FAM13A: variants seen among roughly 807,000 people sequenced by gnomAD.
FAM13A encodes the protein protein FAM13A.
A neutral mutation model predicts 129.6 loss-of-function variants in FAM13A; 76 were observed. That is an observed-to-expected ratio of 0.59 (90% CI 0.49 to 0.71). The LOEUF is 0.71. Ranked by LOEUF, FAM13A falls within the 30% of genes least tolerant of loss-of-function variation. FAM13A has a pLI of 0.00. For missense variants in FAM13A, 1,108 were observed against 1,249.3 expected (o/e 0.89, Z 1.70); for synonymous variants, 443 against 449.9 (o/e 0.98, Z 0.20).
At chr4:89,021,944 AATGATTTCCAGCTT>A (rs1184288573) in intron 2 of FAM13A, among the ~76,000 whole-genome samples, 2 of 152,228 alleles carry the variant, frequency 1.3e-5, no homozygotes, top group Non-Finnish European at 2.9e-5. Context: ...GGCAGAAGAT[AATGATTTCCAGCTT>A]AGTGTGCTAC....
At chr4:88,965,373 A>G (rs544675708) in intron 4 of FAM13A, among the ~76,000 whole-genome samples, 6 of 152,342 alleles carry the variant, frequency 3.9e-5, no homozygotes, top group African/African-American at 1.2e-4. Context: ...TCTCTCAATT[A>G]AACAAAATGT....
At chr4:88,900,921 C>T (rs946300902) in intron 6 of FAM13A, among the ~76,000 whole-genome samples, 8 of 151,980 alleles carry the variant, frequency 5.3e-5, no homozygotes, top group African/African-American at 1.2e-4. Context: ...CAAAGACACA[C>T]ATAGGGTCAA....
At chr4:88,921,947 A>T (rs1191169593) in intron 5 of FAM13A, among the ~76,000 whole-genome samples, 1 of 152,046 alleles carries the variant, frequency 6.6e-6, no homozygotes, top group Non-Finnish European at 1.5e-5. Context: ...ATCAAAAGAG[A>T]CAAAGAAGGC....
chr4:88,992,055 G>A lies in FAM13A; in HGVS notation c.428-905C>T, dbSNP rs1488018888. On this transcript the variant is annotated intron_variant, in intron 3 of 23. Transcript: ENST00000264344. ...TCTGTCCTGACCCTTGAGGTTTCCT[G>A]TTAGTAATTTTCCACCCACTGACTG... Among the ~76,000 whole-genome samples, 4 of 152,256 alleles carry A rather than the reference G, an allele frequency of 2.6e-5. No individual in the cohort carries two copies. In the East Asian group the frequency reaches 7.7e-4, roughly 29 times the overall value.
chr4:88,987,860 A>C (rs1762458644), intron 4 of FAM13A, among the ~76,000 whole-genome samples: 1 of 150,932 alleles, frequency 6.6e-6, no homozygotes, highest in African/African-American at 2.4e-5. Context: ...AAAAAACTTA[A>C]TCTGAATATA....
At chr4:88,752,427 A>C (rs991028569) in intron 14 of FAM13A, among the ~76,000 whole-genome samples, 1 of 152,162 alleles carries the variant, frequency 6.6e-6, no homozygotes, top group Non-Finnish European at 1.5e-5. Context: ...TAAAAAATTA[A>C]CTTTATATGG....
intron 21 of FAM13A, among the ~76,000 whole-genome samples, chr4:88,734,837 A>G (rs1738652743): frequency 6.6e-6 from 1 of 152,254 alleles, no homozygotes; most frequent in Admixed American, 6.5e-5. Flanking sequence ...AGAAAGGCCA[A>G]AATGAATTCC....
At chr4:88,899,111 T>C (rs1225118224) in intron 6 of FAM13A, among the ~76,000 whole-genome samples, 2 of 143,996 alleles carry the variant, frequency 1.4e-5, no homozygotes, top group South Asian at 2.2e-4. Context: ...CACACACACA[T>C]ACATATATAT....
chr4:88,742,859 TG>T (rs1442015710), intron 19 of FAM13A, among the ~76,000 whole-genome samples: 1 of 152,186 alleles, frequency 6.6e-6, no homozygotes, highest in Non-Finnish European at 1.5e-5. Context: ...GTTTCCTGAA[TG>T]GTAAATTGCA....
chr4:88,873,667 A>G (rs529503566), intron 6 of FAM13A, among the ~76,000 whole-genome samples: 187 of 152,324 alleles, frequency 1.2e-3, no homozygotes, highest in African/African-American at 4.2e-3. Flanking sequence ...CCAACCAAAA[A>G]AAGTCCAGGA....
chr4:88,928,058 T>C (rs892442222), intron 5 of FAM13A, among the ~76,000 whole-genome samples: 1 of 152,150 alleles, frequency 6.6e-6, no homozygotes, highest in Non-Finnish European at 1.5e-5. Context: ...ATTCAAAAAA[T>C]TTAAAATTTC....
At chr4:88,881,535 G>T (rs902786578) in intron 6 of FAM13A, among the ~76,000 whole-genome samples, 1 of 152,114 alleles carries the variant, frequency 6.6e-6, no homozygotes, top group Non-Finnish European at 1.5e-5. Flanking sequence ...GAAGGAAACA[G>T]AAAAACAATT....
intron 7 of FAM13A, among the ~76,000 whole-genome samples, chr4:88,847,198 A>G (rs956662975): frequency 6.6e-6 from 1 of 152,232 alleles, no homozygotes; most frequent in African/African-American, 2.4e-5. Flanking sequence ...CTAGACCTTT[A>G]AGGTTGTCTG....
intron 3 of FAM13A, among the ~76,000 whole-genome samples, chr4:88,999,756 G>T (rs1165927104): frequency 2.6e-5 from 4 of 152,114 alleles, no homozygotes; most frequent in Non-Finnish European, 4.4e-5. Context: ...TGGACTCATT[G>T]TAAAAGGTTG....
At position 88,963,241 on chromosome 4, in the gene FAM13A, G is replaced by A. The variant is rs563466609; in HGVS notation, c.606-25000C>T. Among the ~76,000 whole-genome samples, 4 of 151,726 alleles carry A rather than the reference G, an allele frequency of 2.6e-5. No homozygotes were observed. In the South Asian group the frequency reaches 8.3e-4, roughly 32 times the overall value. ...ACAACTTTTAATAAGATATTCCCTT[G>A]CTTTACAACAATGGGTTGGCCACCC... On this transcript the variant is annotated intron_variant, in intron 4 of 23. Transcript: ENST00000264344.
chr4:88,790,532 A>C, intron 9 of FAM13A, 54 bp downstream of exon 9: 3 of 1,378,832 alleles, frequency 2.2e-6, no homozygotes, highest in Non-Finnish European at 3.0e-6. Context: ...TAAGTGGGAC[A>C]GGGCATTAAA....
At chr4:88,768,316 A>C (rs1006682045) in intron 11 of FAM13A, 34 of 296,786 alleles carry the variant, frequency 1.1e-4, no homozygotes, top group Admixed American at 1.8e-4. Context: ...ATTGTGCCCT[A>C]TAATGTCTCC....
chr4:88,887,530 C>CTTTTT lies in FAM13A; in HGVS notation c.843+18848_843+18849insAAAAA, dbSNP rs33953927. 2.6e-4 allele frequency among the ~76,000 whole-genome samples: 33 copies of CTTTTT among 128,778 alleles called. 4 individuals carry two copies. The highest frequency in any genetic ancestry group is 3.4e-4 in the African/African-American group (12 of 35,404). 84.5% of individuals were successfully genotyped at this position (128,778 alleles called of 152,430 possible). A position where few individuals can be genotyped will look rare whatever the true frequency, so the allele number is the denominator to read the frequency against. On this transcript the variant is annotated intron_variant, in intron 6 of 23. Transcript: ENST00000264344. ...TTGGTTCACATATGTACCTTTCTTT[C>CTTTTT]TTTCTTTTTTTTTTTTTTGAGACAG...
chr4:88,787,688 T>G, intron 10 of FAM13A, 65 bp downstream of exon 10: 2 of 1,486,120 alleles, frequency 1.3e-6, no homozygotes, highest in South Asian at 1.2e-5. Context: ...CAGCGACTAA[T>G]TTGGGTGTAT....
Sources: allele counts gnomAD v4.1 joint callset (sites outside exome capture counted in the v4.1 genomes callset), GRCh38; gene constraint gnomAD v4.1.1; transcripts MANE v1.5; gene names NCBI Gene and HGNC (gene_info 2026-07-23, HGNC 2026-07-21).